Variants in FAM151B observed in about 807,000 individuals in gnomAD.
FAM151B encodes the protein family with sequence similarity 151 member B, also known as protein FAM151B.
A neutral mutation model predicts 31.2 loss-of-function variants in FAM151B; 24 were observed. The ratio of observed to expected loss-of-function variants is 0.77; its 90% CI spans 0.56 to 1.08. The LOEUF is 1.08. FAM151B is among the 50% of genes least tolerant of loss of function. FAM151B has a pLI of 0.00. For missense variants in FAM151B, 293 were observed against 328.6 expected, an observed-to-expected ratio of 0.89 and a Z score of 0.84; for synonymous variants, 105 against 111.4, an observed-to-expected ratio of 0.94 and a Z score of 0.36.
intron 2 of FAM151B, among the ~76,000 whole-genome samples, chr5:80,508,971 T>G (rs868178545): frequency 6.6e-6 from 1 of 151,904 alleles, no homozygotes; most frequent in Non-Finnish European, 1.5e-5. Context: ...CCAAAACTCA[T>G]GTTGAAATTT....
intron 1 of FAM151B, among the ~76,000 whole-genome samples, chr5:80,497,280 G>A (rs2112600268): frequency 6.6e-6 from 1 of 151,988 alleles, no homozygotes; most frequent in East Asian, 2.0e-4. Flanking sequence ...ACAAAAAGCA[G>A]CCGATGTGAT....
intron 5 of FAM151B, among the ~76,000 whole-genome samples, chr5:80,536,488 T>C (rs1381185933): frequency 6.6e-6 from 1 of 152,044 alleles, no homozygotes; most frequent in South Asian, 2.1e-4. Flanking sequence ...GTCTTAGTTT[T>C]TTGAGGAAAA....
intron 1 of FAM151B, among the ~76,000 whole-genome samples, chr5:80,495,469 C>T (rs550612466): frequency 2.6e-5 from 4 of 151,964 alleles, no homozygotes; most frequent in Non-Finnish European, 4.4e-5. Context: ...AAGTTGATTC[C>T]AGCTCTCATG....
chr5:80,541,508 T>C (rs896727058), intron 5 of FAM151B, among the ~76,000 whole-genome samples, 165 bp from the exon 6 acceptor site: 10 of 152,246 alleles, frequency 6.6e-5, no homozygotes, highest in African/African-American at 2.4e-4. Flanking sequence ...TAGTCCCTCT[T>C]GATGAAAGAA....
rs750204491 is a variant in FAM151B at position 80,541,776 on chromosome 5, T to A, written c.775T>A (p.Leu259Met). 1.5e-5 allele frequency: 25 copies of A among 1,613,728 alleles called. No homozygotes were observed. Among genetic ancestry groups the A allele is most frequent in the Non-Finnish European group, 1.7e-5 (20 of 1,179,812 alleles). ...CAAAAAACAAGTTTTCTATGACATC[T>A]TGGAACCACAAAACCATGAATTTAA... ...FDKKQVFYDI[L>M]EPQNHEFKQA... is the part of the protein sequence containing the mutation. The change falls in exon 6 of 6, where the codon TTG becomes ATG. Residue 259 changes from leucine to methionine, a missense_variant. Physicochemically the swap from Leu to Met is conservative, Grantham distance 15. Coordinates refer to ENST00000282226, the MANE Select transcript of FAM151B (RefSeq NM_205548.3).
At chr5:80,531,317 A>C (rs948218507) in intron 5 of FAM151B, among the ~76,000 whole-genome samples, 2 of 152,248 alleles carry the variant, frequency 1.3e-5, no homozygotes, top group Non-Finnish European at 2.9e-5. Flanking sequence ...CATTAAGGCC[A>C]TAAGCATGGG....
intron 5 of FAM151B, among the ~76,000 whole-genome samples, chr5:80,528,732 G>GAA (rs34242760): frequency 7.5e-6 from 1 of 132,588 alleles, no homozygotes; most frequent in Admixed American, 7.6e-5. Context: ...CCCAGTCTCA[G>GAA]AAAAAAAAAA....
rs559474205 is a variant in FAM151B, at chr5:80,537,060, A to G, written c.672-4613A>G. Among the ~76,000 whole-genome samples, 17 of 152,376 alleles carry G rather than the reference A, an allele frequency of 1.1e-4. No homozygotes were observed. The South Asian group carries it at 3.3e-3, about 30-fold the overall frequency. On this transcript the variant is annotated intron_variant, in intron 5 of 5. Transcript: ENST00000282226. Reference sequence around the variant, plus strand: ...GGTATAATTGAATTGTTTGTAACACAAAGGATAAATACCCGAGGGGTGGGA... The same window carrying G: ...GGTATAATTGAATTGTTTGTAACACGAAGGATAAATACCCGAGGGGTGGGA...
At chr5:80,492,173 CT>C (rs112056551) in intron 1 of FAM151B, among the ~76,000 whole-genome samples, 2,929 of 146,464 alleles carry the variant, frequency 0.02, 91 homozygotes, top group African/African-American at 0.066. Context: ...GCAGATAATC[CT>C]TTTTTTTTTT....
chr5:80,496,112 A>G (rs1446184209), intron 1 of FAM151B, among the ~76,000 whole-genome samples: 1 of 152,212 alleles, frequency 6.6e-6, no homozygotes, highest in East Asian at 1.9e-4. Context: ...TCTCATTTTG[A>G]AAGTTCTCCT....
At chr5:80,538,527 T>A (rs1561384044) in intron 5 of FAM151B, among the ~76,000 whole-genome samples, 1 of 93,822 alleles carries the variant, frequency 1.1e-5, no homozygotes, top group Non-Finnish European at 2.0e-5. Context: ...CTTCCTTCCT[T>A]CCTTCCTTCC....
chr5:80,509,547 G>A (rs1005508552), intron 2 of FAM151B, among the ~76,000 whole-genome samples: 1 of 152,130 alleles, frequency 6.6e-6, no homozygotes, highest in Non-Finnish European at 1.5e-5. Flanking sequence ...TGTCATCACA[G>A]TATAACACAG....
At chr5:80,500,248 A>C in intron 1 of FAM151B, 1 of 574,230 alleles carries the variant, frequency 1.7e-6, no homozygotes, top group Non-Finnish European at 3.1e-6. Context: ...GGGAGGGGGA[A>C]GCAAAGGAAA....
chr5:80,514,520 A>C (rs1188976874), intron 3 of FAM151B, among the ~76,000 whole-genome samples: 2 of 140,170 alleles, frequency 1.4e-5, no homozygotes, highest in African/African-American at 5.2e-5. Context: ...AATAATAATA[A>C]TATTTGGAGG....
At chr5:80,527,264 A>C (rs1745012082) in intron 5 of FAM151B, among the ~76,000 whole-genome samples, 1 of 151,984 alleles carries the variant, frequency 6.6e-6, no homozygotes, top group Non-Finnish European at 1.5e-5. Flanking sequence ...CTCTACTAAA[A>C]ATACAAAAAT....
chr5:80,497,742 G>T (rs1267303540), intron 1 of FAM151B, among the ~76,000 whole-genome samples: 2 of 148,758 alleles, frequency 1.3e-5, no homozygotes, highest in Non-Finnish European at 3.0e-5. Flanking sequence ...AGTATGTTTA[G>T]TTGAAAAGTG....
intron 2 of FAM151B, among the ~76,000 whole-genome samples, chr5:80,513,103 T>TA (rs1744258376): frequency 6.6e-6 from 1 of 152,194 alleles, no homozygotes; most frequent in Admixed American, 6.5e-5. Flanking sequence ...TGAACATACT[T>TA]ACACCATGTC....
At chr5:80,505,278 G>A (rs931658059) in intron 2 of FAM151B, among the ~76,000 whole-genome samples, 1 of 152,158 alleles carries the variant, frequency 6.6e-6, no homozygotes, top group African/African-American at 2.4e-5. Flanking sequence ...TGGGATTACA[G>A]GTGTGAGCAC....
In FAM151B at chr5:80,538,574, C is replaced by T. The variant is rs1292887681; in HGVS notation, c.672-3099C>T. On this transcript the variant is annotated intron_variant, in intron 5 of 5. Coordinates refer to ENST00000282226, the MANE Select transcript of FAM151B (RefSeq NM_205548.3). ...CTTCCTTCCTTCCTTCCTTCCTTCC[C>T]TCCCTTCCTTTCCTCCTTTCTTTCT... 1.8e-3 allele frequency among the ~76,000 whole-genome samples: 200 copies of T among 108,600 alleles called. 1 individual carries two copies. The highest frequency in any genetic ancestry group is 2.6e-3 in the Non-Finnish European group (132 of 51,662). The allele number at this position is 108,600 out of a possible 152,430, so 71.2% of individuals were successfully genotyped here. A position where few individuals can be genotyped will look rare whatever the true frequency, so the allele number is the denominator to read the frequency against.
Sources: gnomAD v4.1 joint callset for allele counts (sites outside exome capture counted in the v4.1 genomes callset) on GRCh38, gnomAD v4.1.1 for gene constraint, MANE v1.5 for transcripts, NCBI Gene and HGNC (gene_info 2026-07-23, HGNC 2026-07-21) for gene names.